The following SPATS2 variants were observed in gnomAD, a reference collection of about 807,000 sequenced individuals.
The protein encoded by SPATS2 is spermatogenesis-associated serine-rich protein 2.
In SPATS2, 38 loss-of-function variants were observed where a neutral mutation model predicts 63.7. The ratio of observed to expected loss-of-function variants is 0.60; its 90% CI spans 0.46 to 0.78. The LOEUF is 0.78. SPATS2 is among the 30% of genes least tolerant of loss of function. The probability of loss-of-function intolerance (pLI) is 0.00; values close to 1 mark genes in which losing one functional copy is unlikely to be tolerated. For synonymous variants in SPATS2, 207 were observed against 232.9 expected (o/e 0.89, Z 1.01); for missense variants, 588 against 666.2 (o/e 0.88, Z 1.29).
intron 2 of SPATS2, among the ~76,000 whole-genome samples, chr12:49,405,647 C>T (rs1592366250): frequency 2.0e-5 from 3 of 149,882 alleles, no homozygotes; most frequent in Admixed American, 6.6e-5. Context: ...TGCAGTTAGC[C>T]GAGGTTGCAG....
intron 2 of SPATS2, among the ~76,000 whole-genome samples, chr12:49,453,173 A>AAAG (rs1555185954): frequency 6.6e-5 from 10 of 151,968 alleles, no homozygotes; most frequent in African/African-American, 2.4e-4. Flanking sequence ...AAAAAAAAAA[A>AAAG]AAAAGAAATT....
intron 2 of SPATS2, among the ~76,000 whole-genome samples, chr12:49,425,797 T>A (rs1192786482): frequency 6.6e-6 from 1 of 151,904 alleles, no homozygotes; most frequent in Admixed American, 6.6e-5. Flanking sequence ...ACCCAGCTAA[T>A]TTTTTTGTAT....
At chr12:49,409,493 G>C (rs988297878) in intron 2 of SPATS2, among the ~76,000 whole-genome samples, 72 of 150,584 alleles carry the variant, frequency 4.8e-4, no homozygotes, top group African/African-American at 1.5e-3. Flanking sequence ...TTTTAGTAGA[G>C]ATGGGGTTTC....
chr12:49,379,476 G>A (rs539432130), intron 2 of SPATS2, among the ~76,000 whole-genome samples: 195 of 145,840 alleles, frequency 1.3e-3, no homozygotes, highest in African/African-American at 4.5e-3. Flanking sequence ...GCGTGAACCC[G>A]GGAGGCAGAG....
intron 2 of SPATS2, among the ~76,000 whole-genome samples, chr12:49,391,876 A>G (rs569210318): frequency 6.6e-6 from 1 of 152,340 alleles, no homozygotes; most frequent in South Asian, 2.1e-4. Flanking sequence ...GACTGATTGA[A>G]TAGAAAAGGG....
intron 3 of SPATS2, among the ~76,000 whole-genome samples, chr12:49,465,102 A>T (rs1375432159): frequency 6.6e-6 from 1 of 152,218 alleles, no homozygotes; most frequent in East Asian, 1.9e-4. Flanking sequence ...TAACACATTT[A>T]TCCATTTAAC....
chr12:49,495,202 C>CT (rs143825344), intron 7 of SPATS2, among the ~76,000 whole-genome samples, 200 bp downstream of exon 7: 15 of 151,096 alleles, frequency 9.9e-5, no homozygotes, highest in Non-Finnish European at 1.5e-4. Flanking sequence ...AAATACAATT[C>CT]TTTTTTTTTG....
At position 49,434,683 on chromosome 12, in the gene SPATS2, GT is replaced by G; in HGVS notation, c.-243-26086del. 2.0e-5 allele frequency among the ~76,000 whole-genome samples: 3 copies of G among 152,280 alleles called. No homozygotes were observed. In the East Asian group the frequency reaches 5.8e-4, roughly 29 times the overall value. Reference sequence around the variant, plus strand: ...TGTACCCTCTGGTTCAGGAGTCATAGTACTAGGGATGTGGTCTGTGACCATA... The same window carrying G: ...TGTACCCTCTGGTTCAGGAGTCATAGACTAGGGATGTGGTCTGTGACCATA... On this transcript the variant is annotated intron_variant, in intron 2 of 13. Transcript: ENST00000552918.
chr12:49,387,677 G>A (rs896047910), intron 2 of SPATS2, among the ~76,000 whole-genome samples: 4 of 150,656 alleles, frequency 2.7e-5, no homozygotes, highest in Admixed American at 2.0e-4. Flanking sequence ...GGAGATGGGA[G>A]ATGAGAGATG....
intron 3 of SPATS2, 138 bp downstream of exon 3, chr12:49,461,175 G>A (rs1945815597): frequency 1.2e-6 from 1 of 854,200 alleles, no homozygotes; most frequent in Non-Finnish European, 1.8e-6. Flanking sequence ...TTATCGCTTT[G>A]TGTATTACTA....
intron 12 of SPATS2, among the ~76,000 whole-genome samples, chr12:49,523,654 T>A (rs1038501258): frequency 6.6e-6 from 1 of 152,098 alleles, no homozygotes; most frequent in African/African-American, 2.4e-5. Flanking sequence ...TTCTGTCTAG[T>A]ATAAAAGTGA....
At chr12:49,394,795 G>A (rs1592355807) in intron 2 of SPATS2, among the ~76,000 whole-genome samples, 1 of 152,046 alleles carries the variant, frequency 6.6e-6, no homozygotes, top group South Asian at 2.1e-4. Flanking sequence ...TTTAAGGCCG[G>A]GCGTGGTGCC....
intron 8 of SPATS2, 134 bp downstream of exon 8, chr12:49,497,143 A>G: frequency 6.9e-6 from 6 of 864,198 alleles, no homozygotes; most frequent in Non-Finnish European, 1.0e-5. Flanking sequence ...CCAGACAGTG[A>G]CTGACTACTC....
chr12:49,476,127 C>T (rs1946112959), intron 3 of SPATS2, among the ~76,000 whole-genome samples: 1 of 152,138 alleles, frequency 6.6e-6, no homozygotes, highest in South Asian at 2.1e-4. Flanking sequence ...CATCCTGTGC[C>T]TATAAAAACC....
intron 10 of SPATS2, among the ~76,000 whole-genome samples, chr12:49,517,218 T>C (rs185132111): frequency 8.5e-5 from 13 of 152,304 alleles, no homozygotes; most frequent in Non-Finnish European, 1.3e-4. Flanking sequence ...CAATAGATCA[T>C]TTGTAACTGT....
chr12:49,492,390 T>C (rs191918591), intron 6 of SPATS2, among the ~76,000 whole-genome samples: 10 of 151,872 alleles, frequency 6.6e-5, no homozygotes, highest in Admixed American at 5.2e-4. Context: ...CTGGCTAATA[T>C]TTGTATTTTT....
At chr12:49,449,961 A>G (rs1255004033) in intron 2 of SPATS2, among the ~76,000 whole-genome samples, 3 of 152,092 alleles carry the variant, frequency 2.0e-5, no homozygotes, top group South Asian at 2.1e-4. Flanking sequence ...TTTTTGCTGC[A>G]TGTATTTTAG....
chr12:49,434,127 C>T (rs1457973051), intron 2 of SPATS2, among the ~76,000 whole-genome samples: 2 of 152,068 alleles, frequency 1.3e-5, no homozygotes, highest in Admixed American at 6.6e-5. Flanking sequence ...TATTCTATTC[C>T]GTTAGTCTAA....
chr12:49,439,461 C>T (rs1945377210), intron 2 of SPATS2, among the ~76,000 whole-genome samples: 3 of 152,170 alleles, frequency 2.0e-5, no homozygotes, highest in Admixed American at 2.0e-4. Context: ...GTAAAAATCA[C>T]GATGGCTTGG....
Sources: allele counts gnomAD v4.1 joint callset (sites outside exome capture counted in the v4.1 genomes callset), GRCh38; gene constraint gnomAD v4.1.1; transcripts MANE v1.5; gene names NCBI Gene and HGNC (gene_info 2026-07-23, HGNC 2026-07-21).